The following KLHL29 variants were observed in gnomAD, a reference collection of about 807,000 sequenced individuals.
KLHL29 encodes kelch-like protein 29.
KLHL29 carries 21 observed loss-of-function variants against 80.4 expected under a neutral mutation model. The ratio of observed to expected loss-of-function variants is 0.26; its 90% CI spans 0.19 to 0.38. The LOEUF (loss-of-function observed/expected upper bound fraction) is 0.38. KLHL29 is among the 10% of genes least tolerant of loss of function. KLHL29 has a pLI of 1.00. For missense variants in KLHL29, 867 were observed against 1,223.9 expected, an observed-to-expected ratio of 0.71 and a Z score of 4.35; for synonymous variants, 511 against 526.8, an observed-to-expected ratio of 0.97 and a Z score of 0.41.
chr2:23,449,160 A>T (rs994258116), intron 1 of KLHL29, among the ~76,000 whole-genome samples: 2 of 151,656 alleles, frequency 1.3e-5, no homozygotes, highest in African/African-American at 4.8e-5. Context: ...GGCTGGCTGG[A>T]CTCCATGACA....
At chr2:23,391,817 A>C (rs991542852) in intron 1 of KLHL29, among the ~76,000 whole-genome samples, 23 of 152,252 alleles carry the variant, frequency 1.5e-4, no homozygotes, top group African/African-American at 5.3e-4. Flanking sequence ...CACACAGAAT[A>C]CTGTCCAATA....
At chr2:23,398,253 T>C (rs2118500) in intron 1 of KLHL29, among the ~76,000 whole-genome samples, 43,231 of 152,170 alleles carry the variant, frequency 0.28, 6,325 homozygotes, top group East Asian at 0.4. Context: ...ATACACTAGA[T>C]ACATACAATG....
intron 1 of KLHL29, among the ~76,000 whole-genome samples, chr2:23,400,165 G>C (rs1666551736): frequency 6.6e-6 from 1 of 152,168 alleles, no homozygotes; most frequent in Middle Eastern, 3.2e-3. Flanking sequence ...AGCTGTGATA[G>C]CTGCCACACC....
intron 3 of KLHL29, among the ~76,000 whole-genome samples, chr2:23,587,756 T>C (rs2103513861): frequency 6.6e-6 from 1 of 152,296 alleles, no homozygotes; most frequent in South Asian, 2.1e-4. Flanking sequence ...CTCCATTAGA[T>C]TCCTTTATTA....
intron 5 of KLHL29, among the ~76,000 whole-genome samples, chr2:23,670,763 C>T (rs988769899): frequency 6.6e-6 from 1 of 151,838 alleles, no homozygotes; most frequent in Non-Finnish European, 1.5e-5. Context: ...AGGAGGCAGA[C>T]ATGTTGCCCT....
intron 1 of KLHL29, among the ~76,000 whole-genome samples, chr2:23,427,328 A>T (rs896651730): frequency 4.6e-5 from 7 of 152,160 alleles, no homozygotes; most frequent in African/African-American, 1.4e-4. Flanking sequence ...GTCAAAAATC[A>T]CTCTTTTACT....
In KLHL29 at chr2:23,498,017, T is replaced by A. The variant is rs912659390; in HGVS notation, c.-46+22350T>A. 9.0e-5 allele frequency among the ~76,000 whole-genome samples: 13 copies of A among 144,020 alleles called. No individual in the cohort carries two copies. In the East Asian group the frequency reaches 2.3e-3, roughly 26 times the overall value. 94.5% of individuals were successfully genotyped at this position (144,020 alleles called of 152,430 possible). ...GCAGCACAATGTTTTGATAAACTTA[T>A]AGATAGTGAAATGGTTATTATAGTT... On this transcript the variant is annotated intron_variant, in intron 2 of 13. Coordinates refer to ENST00000486442, the MANE Select transcript of KLHL29 (RefSeq NM_052920.2).
chr2:23,688,286 C>T (rs550170681), intron 6 of KLHL29, among the ~76,000 whole-genome samples: 198 of 152,312 alleles, frequency 1.3e-3, no homozygotes, highest in African/African-American at 4.3e-3. Flanking sequence ...CATTCATGGG[C>T]GGAGTCCTCT....
intron 2 of KLHL29, among the ~76,000 whole-genome samples, chr2:23,531,954 A>G (rs1666502603): frequency 6.6e-6 from 1 of 152,210 alleles, no homozygotes; most frequent in Non-Finnish European, 1.5e-5. Context: ...CCAAGTCGCC[A>G]CGACTCCCAA....
intron 1 of KLHL29, among the ~76,000 whole-genome samples, chr2:23,454,285 C>A (rs1204768536): frequency 6.6e-6 from 1 of 151,644 alleles, no homozygotes; most frequent in Non-Finnish European, 1.5e-5. Flanking sequence ...CAGCCTGTCA[C>A]CTCCCCTCCC....
chr2:23,527,250 G>A (rs1666355059), intron 2 of KLHL29, among the ~76,000 whole-genome samples: 1 of 152,186 alleles, frequency 6.6e-6, no homozygotes, highest in African/African-American at 2.4e-5. Context: ...CCTCTTTCCA[G>A]TCCTTAAATG....
At chr2:23,545,750 T>C (rs890596483) in intron 2 of KLHL29, among the ~76,000 whole-genome samples, 1 of 152,192 alleles carries the variant, frequency 6.6e-6, no homozygotes, top group African/African-American at 2.4e-5. Flanking sequence ...AGCCCAGTCC[T>C]CTTCTCGGGC....
chr2:23,686,483 C>G (rs1210946488), intron 6 of KLHL29, among the ~76,000 whole-genome samples: 1 of 152,068 alleles, frequency 6.6e-6, no homozygotes, highest in Non-Finnish European at 1.5e-5. Context: ...AAGTGATGCC[C>G]AGGTCTCCTT....
chr2:23,547,576 T>G (rs972776193), intron 2 of KLHL29, among the ~76,000 whole-genome samples: 2 of 151,892 alleles, frequency 1.3e-5, no homozygotes, highest in African/African-American at 4.8e-5. Flanking sequence ...AGTGTTCGCT[T>G]TCCGTAGTAG....
intron 2 of KLHL29, among the ~76,000 whole-genome samples, chr2:23,516,725 C>T (rs529932152): frequency 1.3e-5 from 2 of 152,220 alleles, no homozygotes; most frequent in African/African-American, 4.8e-5. Context: ...ACCCTCGAGC[C>T]GGTTGGCCAA....
chr2:23,547,549 A>G (rs1254696010), intron 2 of KLHL29, among the ~76,000 whole-genome samples: 2 of 152,102 alleles, frequency 1.3e-5, no homozygotes, highest in Non-Finnish European at 2.9e-5. Flanking sequence ...TAGCCAGCAC[A>G]CAGTAAGTGC....
At chr2:23,644,925 C>A (rs574833300) in intron 5 of KLHL29, among the ~76,000 whole-genome samples, 45 of 152,224 alleles carry the variant, frequency 3.0e-4, no homozygotes, top group Non-Finnish European at 5.6e-4. Context: ...TAGCCAGTGA[C>A]AACAACTGAC....
At chr2:23,440,475 A>G (rs1663483364) in intron 1 of KLHL29, among the ~76,000 whole-genome samples, 1 of 152,194 alleles carries the variant, frequency 6.6e-6, no homozygotes, top group Non-Finnish European at 1.5e-5. Context: ...ATAATTGACA[A>G]ATGGGATCTA....
At position 23,707,894 on chromosome 2, in the gene KLHL29, A is replaced by T. The variant is rs534865185; in HGVS notation, c.*1230A>T. ...CGAACCTGAGAAAAGGGAAGCCAGG[A>T]GGGAGGTCACACCATGGCTCAAAAG... is the stretch of plus-strand genomic sequence containing the variant. On this transcript the variant is annotated 3_prime_UTR_variant, in exon 14 of 14. Coordinates refer to ENST00000486442, the MANE Select transcript of KLHL29 (RefSeq NM_052920.2). 2.6e-5 allele frequency: 4 copies of T among 152,442 alleles called. No homozygotes were observed. In the South Asian group the frequency reaches 8.3e-4, roughly 32 times the overall value. 9.4% of individuals were successfully genotyped at this position (152,442 alleles called of 1,614,324 possible). A position where few individuals can be genotyped will look rare whatever the true frequency, so the allele number is the denominator to read the frequency against.
Sources: allele counts gnomAD v4.1 joint callset (sites outside exome capture counted in the v4.1 genomes callset), GRCh38; gene constraint gnomAD v4.1.1; transcripts MANE v1.5; gene names NCBI Gene and HGNC (gene_info 2026-07-23, HGNC 2026-07-21).